Variants in UNC13C observed in about 807,000 individuals in gnomAD.
The protein encoded by UNC13C is unc-13 homolog C.
UNC13C carries 174 observed loss-of-function variants against 245.4 expected under a neutral mutation model. The observed-to-expected ratio is 0.71, with a 90% CI of 0.63 to 0.80. The LOEUF is 0.80. Ranked by LOEUF, UNC13C falls within the 30% of genes least tolerant of loss-of-function variation. The probability of loss-of-function intolerance (pLI) is 0.00; values close to 1 mark genes in which losing one functional copy is unlikely to be tolerated. For synonymous variants in UNC13C, 992 were observed against 895.1 expected (o/e 1.11, Z -1.93); for missense variants, 2,829 against 2,602.9 (o/e 1.09, Z -1.89).
chr15:54,188,900 G>A (rs962878101), intron 4 of UNC13C, among the ~76,000 whole-genome samples: 2 of 152,114 alleles, frequency 1.3e-5, no homozygotes, highest in African/African-American at 2.4e-5. Context: ...AGGAAGAAAT[G>A]CAATCTTACT....
chr15:54,473,011 C>T (rs985565831), intron 19 of UNC13C, among the ~76,000 whole-genome samples: 1 of 151,570 alleles, frequency 6.6e-6, no homozygotes, highest in Non-Finnish European at 1.5e-5. Context: ...TTTTCCCTCT[C>T]TCCCCCACCC....
At chr15:54,302,629 T>C (rs778699248) in intron 13 of UNC13C, among the ~76,000 whole-genome samples, 8 of 152,190 alleles carry the variant, frequency 5.3e-5, no homozygotes, top group Non-Finnish European at 1.2e-4. Flanking sequence ...CTGAGGCCTC[T>C]GTTCTGTTCC....
chr15:54,419,970 C>G (rs892112535), intron 19 of UNC13C, among the ~76,000 whole-genome samples: 1 of 152,034 alleles, frequency 6.6e-6, no homozygotes. Context: ...TGATCTTTCT[C>G]TCTCCCTCTT....
chr15:53,927,341 T>G, the UNC13C span, among the ~76,000 whole-genome samples: 2 of 152,120 alleles, frequency 1.3e-5, no homozygotes, highest in Non-Finnish European at 2.9e-5. Flanking sequence ...GGAAAGGCTG[T>G]AGGCAAGGAG....
intron 17 of UNC13C, among the ~76,000 whole-genome samples, chr15:54,342,595 C>T (rs1408180275): frequency 6.6e-6 from 1 of 151,878 alleles, no homozygotes; most frequent in Admixed American, 6.6e-5. Flanking sequence ...ATCACCTGTC[C>T]TTTCAGGAAG....
At chr15:53,938,605 A>G in the UNC13C span, among the ~76,000 whole-genome samples, 1 of 152,184 alleles carries the variant, frequency 6.6e-6, no homozygotes, top group Non-Finnish European at 1.5e-5. Context: ...TCACATAATA[A>G]GAAGTAAAAC....
intron 1 of UNC13C, among the ~76,000 whole-genome samples, chr15:53,991,436 T>A (rs1163747419): frequency 2.0e-5 from 3 of 152,028 alleles, no homozygotes; most frequent in Non-Finnish European, 4.4e-5. Context: ...ATGTGATCAA[T>A]CTTTACCAAG....
At chr15:53,861,862 T>C in the UNC13C span, among the ~76,000 whole-genome samples, 1 of 152,230 alleles carries the variant, frequency 6.6e-6, no homozygotes, top group East Asian at 1.9e-4. Flanking sequence ...TTTGTATTAG[T>C]TGAAGTTCAC....
At chr15:54,183,935 C>T (rs1459518401) in intron 4 of UNC13C, among the ~76,000 whole-genome samples, 1 of 151,718 alleles carries the variant, frequency 6.6e-6, no homozygotes, top group Non-Finnish European at 1.5e-5. Flanking sequence ...TATTTAATAG[C>T]TCGCTTACTT....
intron 4 of UNC13C, among the ~76,000 whole-genome samples, chr15:54,226,308 T>A (rs1379452409): frequency 2.0e-5 from 3 of 152,194 alleles, no homozygotes; most frequent in Non-Finnish European, 4.4e-5. Flanking sequence ...AGGATGAGAG[T>A]GGCCTCATAA....
At chr15:54,332,799 C>G (rs1018698096) in intron 15 of UNC13C, among the ~76,000 whole-genome samples, 17 of 151,850 alleles carry the variant, frequency 1.1e-4, no homozygotes, top group African/African-American at 3.9e-4. Context: ...AATAATTTAT[C>G]CTAAACATCT....
chr15:54,146,787 C>T (rs1194314787), intron 4 of UNC13C, among the ~76,000 whole-genome samples: 1 of 152,072 alleles, frequency 6.6e-6, no homozygotes, highest in Non-Finnish European at 1.5e-5. Context: ...GTTTAGTGGA[C>T]AGAAATGTCT....
At chr15:54,212,702 G>A (rs2034920523) in intron 4 of UNC13C, among the ~76,000 whole-genome samples, 2 of 151,988 alleles carry the variant, frequency 1.3e-5, no homozygotes, top group African/African-American at 2.4e-5. Flanking sequence ...GATTTAAAAA[G>A]TGCTTCCAGA....
At chr15:54,296,394 T>C (rs1233933295) in intron 11 of UNC13C, among the ~76,000 whole-genome samples, 1 of 149,250 alleles carries the variant, frequency 6.7e-6, no homozygotes, top group Non-Finnish European at 1.5e-5. Context: ...TTTTTTTTTA[T>C]TTTTTAGTGG....
At chr15:53,974,339 G>A (rs919764745), upstream of UNC13C, among the ~76,000 whole-genome samples, 11 of 152,140 alleles carry the variant, frequency 7.2e-5, no homozygotes, top group East Asian at 1.9e-3. Flanking sequence ...GACTCAACCC[G>A]TGTCCTTAGC....
Position 54,082,198 on chromosome 15 carries a change from AGTT to A in UNC13C, c.2984-60816_2984-60814del, listed in dbSNP as rs1170638914. Among the ~76,000 whole-genome samples, 18 of 152,210 alleles carry A rather than the reference AGTT, an allele frequency of 1.2e-4. No homozygotes were observed. The South Asian group carries it at 3.5e-3, about 30-fold the overall frequency. ...TTTTGCCCTTTACTCTATGCCTTCA[AGTT>A]GTTTTCATTAGCATTGACCTTGGAT... On this transcript the variant is annotated intron_variant, in intron 2 of 32. Transcript: ENST00000260323.
At chr15:54,042,840 G>A (rs375934657) in intron 2 of UNC13C, among the ~76,000 whole-genome samples, 2 of 151,942 alleles carry the variant, frequency 1.3e-5, no homozygotes, top group African/African-American at 2.4e-5. Flanking sequence ...GTGACAGAGC[G>A]AGACTCTGTC....
chr15:53,871,290 G>T, the UNC13C span, among the ~76,000 whole-genome samples: 4 of 152,020 alleles, frequency 2.6e-5, no homozygotes, highest in African/African-American at 9.7e-5. Flanking sequence ...TTTTAGCCAT[G>T]CTTATGTTCA....
chr15:53,953,977 G>A, the UNC13C span, among the ~76,000 whole-genome samples: 9 of 152,206 alleles, frequency 5.9e-5, no homozygotes, highest in African/African-American at 2.2e-4. Context: ...CAGGTTGGGG[G>A]TGCAGGGCTC....
Sources: allele counts gnomAD v4.1 joint callset (sites outside exome capture counted in the v4.1 genomes callset), GRCh38; gene constraint gnomAD v4.1.1; transcripts MANE v1.5; gene names NCBI Gene and HGNC (gene_info 2026-07-23, HGNC 2026-07-21).